NEB: variants seen among roughly 807,000 people sequenced by gnomAD.
The protein encoded by NEB is nemaline myopathy type 2.
In NEB, 512 loss-of-function variants were observed where a neutral mutation model predicts 952.2. That is an observed-to-expected ratio of 0.54 (90% CI 0.50 to 0.58). The LOEUF is 0.58. Among genes scored for constraint, NEB ranks in the 20% least tolerant of loss-of-function variants. The probability of loss-of-function intolerance (pLI) is 0.00; values close to 1 mark genes in which losing one functional copy is unlikely to be tolerated. For missense variants in NEB, 8,428 were observed against 9,231.1 expected (o/e 0.91, Z 3.56); for synonymous variants, 2,900 against 3,149.8 (o/e 0.92, Z 2.66).
Position 151,657,994 on chromosome 2 carries a change from T to C in NEB, c.6172A>G (p.Ile2058Val). 1 of 1,604,742 alleles carries C rather than the reference T, an allele frequency of 6.2e-7. No homozygotes were observed. The highest frequency in any genetic ancestry group is 8.5e-7 in the Non-Finnish European group (1 of 1,173,060). The change falls in exon 48 of 182, where the codon ATT becomes GTT. Residue 2058 changes from isoleucine to valine, a missense_variant. This residue lies in a region of NEB where 2,851 missense variants were observed against 2,791.5 expected (regional missense o/e 1.02). Transcript: ENST00000397345. The stretch of plus-strand genomic sequence containing the variant: ...TCCTTTGGACTTACATCACTTGCAA[T>C]ATCTCTGGAAGCCTTGGCAGCTTTG... ...PIKAAKASRD[I>V]ASDYKYKYNY...
rs777118594 is a variant in NEB, at chr2:151,639,996, T to A, written c.8750A>T (p.Asp2917Val). 5.6e-6 allele frequency: 9 copies of A among 1,613,960 alleles called. No homozygotes were observed. Among genetic ancestry groups the A allele is most frequent in the Non-Finnish European group, 7.6e-6 (9 of 1,179,868 alleles). Residue 2917 changes from aspartate (D) to valine (V), a missense_variant, in exon 62 of 182, where the codon GAT becomes GTT. By Grantham distance (152) the Asp-to-Val change is radical. This residue lies in a region of NEB where 1,772 missense variants were observed against 1,960.3 expected (regional missense o/e 0.90). Coordinates refer to ENST00000397345, the MANE Select transcript of NEB (RefSeq NM_001164508.2). ...GIGWVSIGSLDVEKCKRATEI... is the reference protein window; with the variant it reads ...GIGWVSIGSLVVEKCKRATEI... The stretch of plus-strand genomic sequence containing the variant: ...AGTTGCCCTTTTGCATTTTTCCACA[T>A]CCAAAGAGCCAATGGACACCCAGCC...
chr2:151,559,760 G>C (rs1378110016), intron 124 of NEB, among the ~76,000 whole-genome samples: 2 of 152,108 alleles, frequency 1.3e-5, no homozygotes, highest in African/African-American at 4.8e-5. Flanking sequence ...TGGACACAGG[G>C]AGGGGAACAT....
At chr2:151,547,794 A>T (rs1414341891) in intron 131 of NEB, 56 bp from the exon 132 acceptor site, 11 of 1,163,122 alleles carry the variant, frequency 9.5e-6, no homozygotes, top group Non-Finnish European at 1.4e-5. Flanking sequence ...GAGGGCATCT[A>T]CTGACTAATC....
intron 114 of NEB, 83 bp downstream of exon 114, chr2:151,567,085 G>T: frequency 1.6e-6 from 2 of 1,222,200 alleles, no homozygotes; most frequent in Non-Finnish European, 1.1e-6. Flanking sequence ...CAAATTTCAA[G>T]CACTTGTGGA....
chr2:151,618,272 C>T lies in NEB; in HGVS notation c.11076+3G>A. 6.2e-7 allele frequency: 1 copy of T among 1,613,290 alleles called. No individual in the cohort carries two copies. Among genetic ancestry groups the T allele is most frequent in the Non-Finnish European group, 8.5e-7 (1 of 1,179,308 alleles). On this transcript the variant is annotated splice_donor_region_variant and intron_variant, in intron 74 of 181. Transcript: ENST00000397345. Reference sequence around the variant, plus strand: ...TATCTAACAGTGAGGATTGAAGACTCACCTTATTCATGTTTAAAGCATTGT... The same window carrying T: ...TATCTAACAGTGAGGATTGAAGACTTACCTTATTCATGTTTAAAGCATTGT...
At chr2:151,666,067 A>G (rs2099213655) in intron 41 of NEB, 23 bp downstream of exon 41, 1 of 1,587,152 alleles carries the variant, frequency 6.3e-7, no homozygotes, top group Middle Eastern at 1.8e-4. Context: ...GAAATGGATA[A>G]CAACTTGGTA....
chr2:151,726,469 T>C (rs1238519981), intron 5 of NEB, among the ~76,000 whole-genome samples: 1 of 152,224 alleles, frequency 6.6e-6, no homozygotes, highest in South Asian at 2.1e-4. Context: ...ACATAAACTT[T>C]AGTCTTATAT....
intron 5 of NEB, among the ~76,000 whole-genome samples, chr2:151,726,683 A>T (rs1004987868): frequency 1.3e-5 from 2 of 152,278 alleles, no homozygotes; most frequent in African/African-American, 4.8e-5. Context: ...GAGAGCAGTG[A>T]TTCTCAACCT....
intron 146 of NEB, among the ~76,000 whole-genome samples, chr2:151,528,108 G>C (rs940485447): frequency 6.6e-6 from 1 of 152,160 alleles, no homozygotes; most frequent in Non-Finnish European, 1.5e-5. Flanking sequence ...CCCAAGGTGA[G>C]ACTTAGCAAT....
intron 20 of NEB, among the ~76,000 whole-genome samples, chr2:151,694,104 A>C (rs1235794670): frequency 6.6e-6 from 1 of 152,206 alleles, no homozygotes; most frequent in Non-Finnish European, 1.5e-5. Context: ...AACAGAGGGC[A>C]TTAAGGAGAT....
rs2098330443 is a variant in NEB, at chr2:151,619,464, T to C, written c.10859A>G (p.Asp3620Gly). 1.2e-6 allele frequency: 2 copies of C among 1,605,604 alleles called. No homozygotes were observed. Among genetic ancestry groups the C allele is most frequent in the Non-Finnish European group, 8.5e-7 (1 of 1,174,226 alleles). ...NDIIHARKAY[D>G]LQSDNLYKSD... is the part of the protein sequence containing the mutation. ...AAGGAAACTTACGTCACTCTGGAGGTCATAGGCTTTCCGTGCATGAATGAT... is the reference window on the plus strand; with the variant it reads ...AAGGAAACTTACGTCACTCTGGAGGCCATAGGCTTTCCGTGCATGAATGAT... The change falls in exon 73 of 182, where the codon GAC becomes GGC. Residue 3620 changes from aspartate (D) to glycine (G), a missense_variant. Around this residue, in one of 11 missense-constraint regions of NEB, gnomAD observed 1,772 missense variants for 1,960.3 expected, o/e 0.90. Transcript: ENST00000397345.
At position 151,527,565 on chromosome 2, in the gene NEB, G is replaced by A. The variant is rs772151729; in HGVS notation, c.21756C>T (p.Tyr7252=). ...VNTNLDYKKQ[Y]EANKAHWKWT... ...ACTTCCAGTGGGCTTTGTTGGCTTC[G>A]TACTGTTTCTTATAGTCCAGCTGTT... The change falls in exon 147 of 182, where the codon TAC becomes TAT. Residue 7252 remains tyrosine, a synonymous_variant. Coordinates refer to ENST00000397345, the MANE Select transcript of NEB (RefSeq NM_001164508.2). 8 of 1,612,286 alleles carry A rather than the reference G, an allele frequency of 5.0e-6. No homozygotes were observed. The highest frequency in any genetic ancestry group is 4.5e-5 in the East Asian group (2 of 44,824).
chr2:151,615,232 T>G (rs890558944), intron 76 of NEB, among the ~76,000 whole-genome samples: 2 of 152,196 alleles, frequency 1.3e-5, no homozygotes, highest in African/African-American at 4.8e-5. Flanking sequence ...GTCCTTAACC[T>G]TGGCAAAATA....
At chr2:151,639,787 T>G in intron 62 of NEB, 70 bp downstream of exon 62, 1 of 1,319,798 alleles carries the variant, frequency 7.6e-7, no homozygotes, top group Non-Finnish European at 1.0e-6. Flanking sequence ...CTTTCTTTCC[T>G]CATTAATGTT....
intron 65 of NEB, 99 bp from the exon 66 acceptor site, chr2:151,631,445 A>C (rs1038337047): frequency 7.6e-7 from 1 of 1,324,212 alleles, no homozygotes; most frequent in Non-Finnish European, 1.0e-6. Flanking sequence ...TCTGTTTTCT[A>C]TTCGTAGAAA....
intron 10 of NEB, among the ~76,000 whole-genome samples, chr2:151,712,535 C>T (rs1004484251): frequency 6.6e-6 from 1 of 152,166 alleles, no homozygotes; most frequent in Non-Finnish European, 1.5e-5. Context: ...TCCTATCCAG[C>T]AGCTGAAATG....
chr2:151,512,799 A>C lies in NEB; in HGVS notation c.23280T>G (p.Asn7760Lys), dbSNP rs1479964006. 3.7e-6 allele frequency: 6 copies of C among 1,613,668 alleles called. No homozygotes were observed. The highest frequency in any genetic ancestry group is 5.1e-6 in the Non-Finnish European group (6 of 1,179,780). ...YKQSAEMEKA[N>K]FTSVVDTPEI... ...CTGGAGTATCAACCACAGAAGTGAA[A>C]TTGGCTTTCTCCATTTCTGCTGATT... The change falls in exon 161 of 182, where the codon AAT becomes AAG. Residue 7760 changes from asparagine to lysine, a missense_variant. By Grantham distance (94) the Asn-to-Lys change is moderately conservative (BLOSUM62 0). This residue lies in a region of NEB where 3,374 missense variants were observed against 3,651.5 expected (regional missense o/e 0.92). Transcript: ENST00000397345.
chr2:151,680,449 A>T (rs1458453380), intron 30 of NEB, among the ~76,000 whole-genome samples: 1 of 152,072 alleles, frequency 6.6e-6, no homozygotes, highest in Non-Finnish European at 1.5e-5. Context: ...TCTTTCCTAG[A>T]AAAAGGCTTG....
chr2:151,648,033 A>G (rs2098982618), intron 54 of NEB, among the ~76,000 whole-genome samples: 1 of 152,198 alleles, frequency 6.6e-6, no homozygotes, highest in Admixed American at 6.5e-5. Flanking sequence ...ATATATAGAT[A>G]TAGATCTGAG....
Sources: allele counts gnomAD v4.1 joint callset (sites outside exome capture counted in the v4.1 genomes callset), GRCh38; gene constraint gnomAD v4.1.1; regional missense constraint gnomAD v4.1.1; transcripts MANE v1.5; gene names NCBI Gene and HGNC (gene_info 2026-07-23, HGNC 2026-07-21).